Variants in AGAP1 observed in about 807,000 individuals in gnomAD.
AGAP1 encodes the protein arf-GAP with GTPase, ANK repeat and PH domain-containing protein 1.
Under a neutral mutation model 105.3 loss-of-function variants are expected in AGAP1, and 29 were observed. That is an observed-to-expected ratio of 0.28 (90% confidence interval 0.21 to 0.38). The LOEUF is 0.38. Ranked by LOEUF, AGAP1 falls within the 10% of genes least tolerant of loss-of-function variation. The pLI, the probability that AGAP1 is intolerant of heterozygous loss-of-function variation, is 1.00. For synonymous variants in AGAP1, 509 were observed against 485.9 expected, an observed-to-expected ratio of 1.05 and a Z score of -0.63; for missense variants, 998 against 1,165.1, an observed-to-expected ratio of 0.86 and a Z score of 2.09.
chr2:235,703,723 A>G (rs1033821423), intron 1 of AGAP1, among the ~76,000 whole-genome samples: 23 of 152,000 alleles, frequency 1.5e-4, no homozygotes, highest in Non-Finnish European at 3.2e-4. Context: ...TTAGCCTCCA[A>G]GTACCTGGGA....
intron 9 of AGAP1, among the ~76,000 whole-genome samples, chr2:235,817,286 G>A (rs568712353): frequency 6.6e-5 from 10 of 151,962 alleles, no homozygotes; most frequent in African/African-American, 2.4e-4. Context: ...CCTATGACAT[G>A]GTTCTGCTTG....
At chr2:235,948,392 C>T (rs989567353) in intron 12 of AGAP1, among the ~76,000 whole-genome samples, 7 of 152,238 alleles carry the variant, frequency 4.6e-5, no homozygotes, top group African/African-American at 1.7e-4. Context: ...ACCATCGTGC[C>T]CTGGCTGGTC....
chr2:235,677,906 C>CAAAAAAAAAAAAAAAAAAA (rs61111847), intron 1 of AGAP1, among the ~76,000 whole-genome samples: 1 of 62,998 alleles, frequency 1.6e-5, no homozygotes, highest in Non-Finnish European at 3.2e-5. Context: ...AGCTCTTTAC[C>CAAAAAAAAAAAAAAAAAAA]AAAAAAAAAA....
Position 235,651,008 on chromosome 2 carries a change from G to A in AGAP1, c.164-58171G>A, listed in dbSNP as rs532442612. On this transcript the variant is annotated intron_variant, in intron 1 of 17. Coordinates refer to ENST00000304032, the MANE Select transcript of AGAP1 (RefSeq NM_001037131.3). ...TAGCCTGGACAACATGGTGAAACCC[G>A]GTCTCTCTTAAAAATATAAAAAATT... 2.0e-3 allele frequency among the ~76,000 whole-genome samples: 300 copies of A among 151,588 alleles called. 5 individuals are homozygous for A. Among genetic ancestry groups the A allele is most frequent in the Middle Eastern group, 0.01 (3 of 294 alleles).
chr2:235,881,377 G>C (rs2050017141), intron 9 of AGAP1, among the ~76,000 whole-genome samples: 1 of 152,156 alleles, frequency 6.6e-6, no homozygotes, highest in Non-Finnish European at 1.5e-5. Flanking sequence ...GCGTCTTCTT[G>C]TATTTCAAAA....
At chr2:236,043,195 G>A (rs1199995464) in intron 15 of AGAP1, among the ~76,000 whole-genome samples, 1 of 152,320 alleles carries the variant, frequency 6.6e-6, no homozygotes, top group African/African-American at 2.4e-5. Context: ...ACACCTCCAT[G>A]GGGCCTTTCG....
chr2:235,774,456 G>A (rs548066176), intron 6 of AGAP1: 3 of 457,418 alleles, frequency 6.6e-6, no homozygotes, highest in East Asian at 1.4e-4. Context: ...AAGTCAGCGT[G>A]GACTTGGGCA....
intron 1 of AGAP1, among the ~76,000 whole-genome samples, chr2:235,589,239 CTTG>C (rs1945250354): frequency 2.0e-5 from 1 of 48,784 alleles, no homozygotes; most frequent in Non-Finnish European, 4.3e-5. Flanking sequence ...GAGTTTCGTT[CTTG>C]TTGTCTAGGC....
rs1359518044 is a variant in AGAP1 at position 235,691,143 on chromosome 2, G to T, written c.164-18036G>T. Among the ~76,000 whole-genome samples the T allele has an allele frequency of 1.3e-5, 2 of 152,146 alleles. No individual in the cohort carries two copies. Among genetic ancestry groups the T allele is most frequent in the Non-Finnish European group, 2.9e-5 (2 of 68,032 alleles). ...GGCCAGCAAGGAGTCTGCCCCATGC[G>T]ATTCTGAGGCCTTGGTCCCTTCTGA... is the stretch of plus-strand genomic sequence containing the variant. On this transcript the variant is annotated intron_variant, in intron 1 of 17. Transcript: ENST00000304032. This position sits in a 1 kb window ranked among gnomAD's most constrained non-coding sequence, Gnocchi z 4.4.
At chr2:235,515,124 T>C (rs745407931) in intron 1 of AGAP1, among the ~76,000 whole-genome samples, 1 of 152,210 alleles carries the variant, frequency 6.6e-6, no homozygotes, top group Non-Finnish European at 1.5e-5. Flanking sequence ...TTGTTTACCC[T>C]TCAAGCTGGG....
At position 235,864,870 on chromosome 2, in the gene AGAP1, T is replaced by G. The variant is rs1217898595; in HGVS notation, c.1051-18475T>G. Among the ~76,000 whole-genome samples the G allele has an allele frequency of 6.6e-6, 1 of 152,232 alleles. No individual in the cohort carries two copies. The highest frequency in any genetic ancestry group is 2.4e-5 in the African/African-American group (1 of 41,458). On this transcript the variant is annotated intron_variant, in intron 9 of 17. Coordinates refer to ENST00000304032, the MANE Select transcript of AGAP1 (RefSeq NM_001037131.3). The surrounding 1 kb of genome is among the most constrained non-coding windows in gnomAD (Gnocchi z 5.0). ...TTTCTGCCCATATTCAAAATTCCTT[T>G]GATTAGCATTTGGTTCTGGTTGGGA...
At position 235,984,253 on chromosome 2, in the gene AGAP1, G is replaced by T. The variant is rs1475522586; in HGVS notation, c.1645+15630G>T. Among the ~76,000 whole-genome samples the T allele has an allele frequency of 2.0e-5, 3 of 152,164 alleles. No homozygotes were observed. The East Asian group carries it at 5.8e-4, about 29-fold the overall frequency. On this transcript the variant is annotated intron_variant, in intron 13 of 17. Transcript: ENST00000304032. The stretch of plus-strand genomic sequence containing the variant: ...TGTACACCATTCTTTTTAAAGGATG[G>T]ATAATATTCCATAGTGTGGATTTAC...
chr2:235,684,101 G>A (rs1035636601), intron 1 of AGAP1, among the ~76,000 whole-genome samples: 2 of 152,086 alleles, frequency 1.3e-5, no homozygotes, highest in Non-Finnish European at 2.9e-5. Flanking sequence ...GAATGCAGTC[G>A]CACGATCTCG....
At chr2:235,648,884 C>CA (rs34285333) in intron 1 of AGAP1, among the ~76,000 whole-genome samples, 45,315 of 139,412 alleles carry the variant, frequency 0.33, 7,156 homozygotes, top group South Asian at 0.48. Context: ...GAGACTGTCT[C>CA]AAAAAAAAAA....
rs10177821 is a variant in AGAP1, at chr2:235,714,045, A to G, written c.223-3512A>G. 0.02 allele frequency among the ~76,000 whole-genome samples: 2,975 copies of G among 151,980 alleles called. 108 individuals are homozygous for G. Among genetic ancestry groups the G allele is most frequent in the African/African-American group, 0.065 (2,709 of 41,442 alleles). ...TTTTTATTTTTTGAGACAGAGTCTC[A>G]CTCTGTCGCCCAGGCTGGAGTGCGG... On this transcript the variant is annotated intron_variant, in intron 2 of 17. Transcript: ENST00000304032. The surrounding 1 kb of genome is among the most constrained non-coding windows in gnomAD (Gnocchi z 4.1).
chr2:235,590,605 G>C (rs1044925079), intron 1 of AGAP1, among the ~76,000 whole-genome samples: 1 of 151,516 alleles, frequency 6.6e-6, no homozygotes, highest in Non-Finnish European at 1.5e-5. Context: ...AACAGAACCT[G>C]CCAGGATAGG....
chr2:235,876,385 G>A (rs2049725932), intron 9 of AGAP1, among the ~76,000 whole-genome samples: 1 of 152,194 alleles, frequency 6.6e-6, no homozygotes, highest in African/African-American at 2.4e-5. Context: ...TGTTGGCCAA[G>A]CAGATTATAA....
In AGAP1 at chr2:236,095,022, C is replaced by T. The variant is rs1432462335; in HGVS notation, c.2115-25170C>T. 1.3e-5 allele frequency among the ~76,000 whole-genome samples: 2 copies of T among 151,694 alleles called. No homozygotes were observed. The highest frequency in any genetic ancestry group is 2.9e-5 in the Non-Finnish European group (2 of 67,920). On this transcript the variant is annotated intron_variant, in intron 16 of 17. Coordinates refer to ENST00000304032, the MANE Select transcript of AGAP1 (RefSeq NM_001037131.3). This position sits in a 1 kb window ranked among gnomAD's most constrained non-coding sequence, Gnocchi z 4.1. ...GATGAGATGGGAGGATCACTTGAGC[C>T]CGGGAGGTCCAGGCTGCAGTGAGCC...
rs1421124304 is a variant in AGAP1 at position 236,051,923 on chromosome 2, TGCACGTCC to T, written c.2114+2643_2114+2650del. ...GACTCCCACCACCTTCACCACCTCCTGCACGTCCCCTCAATAGAAAATGGAAAAGTGAA... is the reference window on the plus strand; with the variant it reads ...GACTCCCACCACCTTCACCACCTCCTCCTCAATAGAAAATGGAAAAGTGAA... On this transcript the variant is annotated intron_variant, in intron 16 of 17. Transcript: ENST00000304032. The surrounding 1 kb of genome is among the most constrained non-coding windows in gnomAD (Gnocchi z 5.9). Among the ~76,000 whole-genome samples, 2 of 152,080 alleles carry T rather than the reference TGCACGTCC, an allele frequency of 1.3e-5. No homozygotes were observed. Among genetic ancestry groups the T allele is most frequent in the African/African-American group, 4.8e-5 (2 of 41,430 alleles).
Sources: gnomAD v4.1 joint callset for allele counts (sites outside exome capture counted in the v4.1 genomes callset) on GRCh38, gnomAD v4.1.1 for gene constraint, Gnocchi (gnomAD v3.1) non-coding constraint, MANE v1.5 for transcripts, NCBI Gene and HGNC (gene_info 2026-07-23, HGNC 2026-07-21) for gene names.